NEURL1: variants seen among roughly 807,000 people sequenced by gnomAD.
The protein encoded by NEURL1 is E3 ubiquitin-protein ligase NEURL1.
In NEURL1, 26 loss-of-function variants were observed where a neutral mutation model predicts 41.2. The ratio of observed to expected loss-of-function variants is 0.63; its 90% CI spans 0.46 to 0.87. NEURL1 has a LOEUF of 0.87. NEURL1 is among the 40% of genes least tolerant of loss of function. The pLI, the probability that NEURL1 is intolerant of heterozygous loss-of-function variation, is 0.00. For missense variants in NEURL1, 761 were observed against 871.1 expected, an observed-to-expected ratio of 0.87 and a Z score of 1.59; for synonymous variants, 400 against 402.3, an observed-to-expected ratio of 0.99 and a Z score of 0.07.
At chr10:103,500,228 C>A (rs942733946) in intron 1 of NEURL1, among the ~76,000 whole-genome samples, 12 of 152,198 alleles carry the variant, frequency 7.9e-5, no homozygotes, top group Non-Finnish European at 1.5e-4. Flanking sequence ...ATAATATTTA[C>A]AATAGCTACC....
chr10:103,570,056 G>A (rs991471611), intron 1 of NEURL1, among the ~76,000 whole-genome samples: 2 of 152,194 alleles, frequency 1.3e-5, no homozygotes, highest in Admixed American at 6.5e-5. Flanking sequence ...GCCCAATGCC[G>A]AGCTCTTTGC....
intron 1 of NEURL1, among the ~76,000 whole-genome samples, chr10:103,495,885 A>T (rs960160774): frequency 2.0e-5 from 3 of 152,216 alleles, no homozygotes; most frequent in African/African-American, 7.2e-5. Context: ...AGGCAGGTGG[A>T]TCACTTGAGG....
Position 103,558,295 on chromosome 10 carries a change from G to A in NEURL1, c.86-12577G>A, listed in dbSNP as rs2035202849. 1 of 970,276 alleles carries A rather than the reference G, an allele frequency of 1.0e-6. No homozygotes were observed. The highest frequency in any genetic ancestry group is 1.8e-5 in the African/African-American group (1 of 56,886). 60.1% of individuals were successfully genotyped at this position (970,276 alleles called of 1,614,324 possible). A position where few individuals can be genotyped will look rare whatever the true frequency, so the allele number is the denominator to read the frequency against. ...GGAGGACCCAGGACTCTGTATGTGT[G>A]TCGGGGGTCATCTAATTGTGTGTTT... On this transcript the variant is annotated intron_variant, in intron 1 of 5. Coordinates refer to ENST00000369780, the MANE Select transcript of NEURL1 (RefSeq NM_004210.5). This position sits in a 1 kb window ranked among gnomAD's most constrained non-coding sequence, Gnocchi z 4.2.
intron 1 of NEURL1, among the ~76,000 whole-genome samples, chr10:103,531,573 C>T (rs2034574670): frequency 6.6e-6 from 1 of 151,632 alleles, no homozygotes; most frequent in Admixed American, 6.6e-5. Context: ...CACTTTATTG[C>T]CCAGAGTGAA....
chr10:103,558,200 T>C lies in NEURL1; in HGVS notation c.86-12672T>C. The C allele has an allele frequency of 1.0e-6, 1 of 985,408 alleles. No homozygotes were observed. The highest frequency in any genetic ancestry group is 1.2e-6 in the Non-Finnish European group (1 of 829,988). The allele number at this position is 985,408 out of a possible 1,614,324, so 61.0% of individuals were successfully genotyped here. ...GCTGATTGTATTTTCTTTAGGGCCT[T>C]GGACTTTCGGCTTGATTCGGGCCAA... On this transcript the variant is annotated intron_variant, in intron 1 of 5. Coordinates refer to ENST00000369780, the MANE Select transcript of NEURL1 (RefSeq NM_004210.5). This position sits in a 1 kb window ranked among gnomAD's most constrained non-coding sequence, Gnocchi z 4.2.
chr10:103,589,796 G>A, intron 5 of NEURL1, 136 bp downstream of exon 5: 1 of 1,228,282 alleles, frequency 8.1e-7, no homozygotes, highest in Non-Finnish European at 1.1e-6. Context: ...TGATTTCTGG[G>A]GTCATCCCCT....
At chr10:103,499,517 G>A (rs1592173874) in intron 1 of NEURL1, among the ~76,000 whole-genome samples, 1 of 149,306 alleles carries the variant, frequency 6.7e-6, no homozygotes. Context: ...TTCAGCTGGA[G>A]TGCAGTGGTG....
At chr10:103,560,206 A>T (rs1388465980) in intron 1 of NEURL1, among the ~76,000 whole-genome samples, 1 of 87,942 alleles carries the variant, frequency 1.1e-5, no homozygotes. Flanking sequence ...ATGGGGAGCT[A>T]GGGGTGCTGA....
At chr10:103,533,754 T>C (rs536023611) in intron 1 of NEURL1, among the ~76,000 whole-genome samples, 77 of 152,178 alleles carry the variant, frequency 5.1e-4, no homozygotes, top group Admixed American at 7.9e-4. Context: ...GCCAGGATGG[T>C]CTCGATCTGC....
At chr10:103,588,339 C>T (rs956601205) in intron 4 of NEURL1, among the ~76,000 whole-genome samples, 2 of 151,152 alleles carry the variant, frequency 1.3e-5, no homozygotes, top group African/African-American at 4.9e-5. Context: ...CATGGTTTCA[C>T]TGGAGAAACA....
chr10:103,580,115 G>A (rs541259072), intron 3 of NEURL1, among the ~76,000 whole-genome samples: 93 of 152,198 alleles, frequency 6.1e-4, no homozygotes, highest in African/African-American at 2.1e-3. Flanking sequence ...CCTAGAGGAG[G>A]GGAAACACAT....
chr10:103,559,105 C>T (rs1030743774), intron 1 of NEURL1, among the ~76,000 whole-genome samples: 1 of 152,148 alleles, frequency 6.6e-6, no homozygotes. Context: ...CTTCTGCAGC[C>T]GGTCCCCCAC....
At chr10:103,522,922 G>GC (rs2034385844) in intron 1 of NEURL1, among the ~76,000 whole-genome samples, 1 of 147,908 alleles carries the variant, frequency 6.8e-6, no homozygotes, top group Non-Finnish European at 1.5e-5. Context: ...AATCCTTCTA[G>GC]TTTTTTTTTT....
chr10:103,584,466 C>T (rs965017136), intron 3 of NEURL1, 70 bp from the exon 4 acceptor site: 2 of 1,072,516 alleles, frequency 1.9e-6, no homozygotes, highest in African/African-American at 1.7e-5. Flanking sequence ...GCGTAGGGAC[C>T]GGACAGCGGG....
chr10:103,589,340 A>G (rs545200370), intron 4 of NEURL1, among the ~76,000 whole-genome samples, 174 bp from the exon 5 acceptor site: 55 of 152,318 alleles, frequency 3.6e-4, no homozygotes, highest in African/African-American at 1.3e-3. Flanking sequence ...CTGATTAGCT[A>G]TACTCCACGG....
chr10:103,540,824 G>C (rs2034806369), intron 1 of NEURL1, among the ~76,000 whole-genome samples: 1 of 152,210 alleles, frequency 6.6e-6, no homozygotes, highest in Non-Finnish European at 1.5e-5. Flanking sequence ...CTTTGTCATT[G>C]AGGAACGTCT....
Position 103,589,645 on chromosome 10 carries a change from G to T in NEURL1, c.1471G>T (p.Gly491Cys), listed in dbSNP as rs1180205221. ...CAGCACGTGCAGCTCTGGCCCTCTG[G>T]GTAGCTCTGCTGGTGGTAAGTAGGC... ...LLSTCSSGPL[G>C]SSAGGTAPNS... The change falls in exon 5 of 6, where the codon GGT becomes TGT. Residue 491 changes from glycine (G) to cysteine (C), a missense_variant. Coordinates refer to ENST00000369780, the MANE Select transcript of NEURL1 (RefSeq NM_004210.5). The T allele has an allele frequency of 6.2e-7, 1 of 1,610,846 alleles. No homozygotes were observed. Among genetic ancestry groups the T allele is most frequent in the Non-Finnish European group, 8.5e-7 (1 of 1,178,294 alleles).
chr10:103,510,083 T>G (rs1041384449), intron 1 of NEURL1, among the ~76,000 whole-genome samples: 1 of 152,100 alleles, frequency 6.6e-6, no homozygotes, highest in African/African-American at 2.4e-5. Flanking sequence ...TAGAGGAGAC[T>G]TCCTGGGGCC....
chr10:103,524,055 G>A (rs1281840481), intron 1 of NEURL1, among the ~76,000 whole-genome samples: 20 of 152,004 alleles, frequency 1.3e-4, no homozygotes, highest in Admixed American at 1.1e-3. Flanking sequence ...TTACATTCCC[G>A]CCTGCAGAAA....
Sources: gnomAD v4.1 joint callset for allele counts (sites outside exome capture counted in the v4.1 genomes callset) on GRCh38, gnomAD v4.1.1 for gene constraint, Gnocchi (gnomAD v3.1) non-coding constraint, MANE v1.5 for transcripts, NCBI Gene and HGNC (gene_info 2026-07-23, HGNC 2026-07-21) for gene names.